Variants in CIMIP6 observed in about 807,000 individuals in gnomAD.
CIMIP6 encodes the protein ciliary microtubule inner protein 6, also known as uncharacterized protein C2orf73.
chr2:54,360,194 C>A, the CIMIP6 span: 31 of 1,542,590 alleles, frequency 2.0e-5, no homozygotes, highest in African/African-American at 5.6e-5. Flanking sequence ...ACTTTGTTTT[C>A]TTTTCCAGAG....
the CIMIP6 span, chr2:54,358,988 G>A: frequency 6.5e-7 from 1 of 1,549,480 alleles, no homozygotes; most frequent in East Asian, 2.4e-5. Context: ...TACATCAGCA[G>A]AACTTCAAAA....
At chr2:54,343,296 A>C in the CIMIP6 span, among the ~76,000 whole-genome samples, 1 of 152,210 alleles carries the variant, frequency 6.6e-6, no homozygotes. Flanking sequence ...TAGGGACTAA[A>C]ACTTCTGAAA....
chr2:54,352,626 C>T, the CIMIP6 span, among the ~76,000 whole-genome samples: 1 of 152,158 alleles, frequency 6.6e-6, no homozygotes, highest in Non-Finnish European at 1.5e-5. Context: ...TACCTTGTTG[C>T]ACAGTCATCC....
the CIMIP6 span, among the ~76,000 whole-genome samples, chr2:54,352,964 T>C: frequency 6.6e-6 from 1 of 152,196 alleles, no homozygotes; most frequent in African/African-American, 2.4e-5. Flanking sequence ...CCTTTCTAAC[T>C]GAAATTTCGA....
At chr2:54,343,952 G>A in the CIMIP6 span, 7 of 1,224,988 alleles carry the variant, frequency 5.7e-6, no homozygotes, top group African/African-American at 1.1e-4. Context: ...TAGATGTCCG[G>A]ACAGCTCCTG....
chr2:54,353,009 C>T, the CIMIP6 span, among the ~76,000 whole-genome samples: 1 of 152,214 alleles, frequency 6.6e-6, no homozygotes, highest in African/African-American at 2.4e-5. Context: ...CTGTCCTGCT[C>T]CTTCCAGAGG....
the CIMIP6 span, chr2:54,360,713 C>T: frequency 1.2e-6 from 1 of 809,372 alleles, no homozygotes; most frequent in Non-Finnish European, 1.8e-6. Context: ...AATTAAAATA[C>T]AACCAAATGT....
At chr2:54,354,838 C>T in the CIMIP6 span, among the ~76,000 whole-genome samples, 1 of 151,668 alleles carries the variant, frequency 6.6e-6, no homozygotes, top group African/African-American at 2.4e-5. Flanking sequence ...ACCAGGGGCT[C>T]CATTAATGTT....
the CIMIP6 span, among the ~76,000 whole-genome samples, chr2:54,380,376 G>A: frequency 5.9e-5 from 9 of 152,060 alleles, no homozygotes; most frequent in South Asian, 2.1e-4. Context: ...ACATCTGACC[G>A]CCTCCCCATG....
At chr2:54,336,212 C>T in the CIMIP6 span, among the ~76,000 whole-genome samples, 2 of 152,142 alleles carry the variant, frequency 1.3e-5, no homozygotes, top group Non-Finnish European at 2.9e-5. Context: ...CACAATCAAG[C>T]TATGAATCAT....
chr2:54,355,390 C>A, the CIMIP6 span, among the ~76,000 whole-genome samples: 1 of 152,066 alleles, frequency 6.6e-6, no homozygotes, highest in Non-Finnish European at 1.5e-5. Flanking sequence ...GCACTCACTC[C>A]CAGGGTCATG....
the CIMIP6 span, chr2:54,360,693 G>A: frequency 3.1e-6 from 3 of 975,338 alleles, no homozygotes; most frequent in Middle Eastern, 3.3e-4. Flanking sequence ...TGGAAAAAGA[G>A]AAAAAAGACA....
chr2:54,350,391 G>C, the CIMIP6 span, among the ~76,000 whole-genome samples: 6 of 152,190 alleles, frequency 3.9e-5, no homozygotes, highest in Admixed American at 3.3e-4. Context: ...ATGGTCACTT[G>C]TGTGGCCACA....
At chr2:54,372,252 C>T in the CIMIP6 span, among the ~76,000 whole-genome samples, 1 of 152,178 alleles carries the variant, frequency 6.6e-6, no homozygotes, top group Non-Finnish European at 1.5e-5. Context: ...CTCTTCATCA[C>T]CAGCAATGAT....
the CIMIP6 span, among the ~76,000 whole-genome samples, chr2:54,351,719 AG>A: frequency 1.1e-4 from 16 of 152,202 alleles, no homozygotes; most frequent in Non-Finnish European, 2.2e-4. Context: ...AACCCCCATG[AG>A]ACAAGCTTAC....
chr2:54,367,381 C>T, the CIMIP6 span, among the ~76,000 whole-genome samples: 1 of 151,974 alleles, frequency 6.6e-6, no homozygotes, highest in Admixed American at 6.6e-5. Flanking sequence ...TTCCCCCAAC[C>T]TCCAAAAAAA....
the CIMIP6 span, among the ~76,000 whole-genome samples, chr2:54,367,640 A>G: frequency 3.9e-5 from 6 of 152,192 alleles, no homozygotes; most frequent in African/African-American, 1.4e-4. Flanking sequence ...GCTATAAATC[A>G]AATGTAAAAA....
At chr2:54,372,570 T>A in the CIMIP6 span, among the ~76,000 whole-genome samples, 1 of 152,146 alleles carries the variant, frequency 6.6e-6, no homozygotes, top group Non-Finnish European at 1.5e-5. Flanking sequence ...AAGTCCACCA[T>A]GTAAGAAGTT....
At chr2:54,381,848 G>A in the CIMIP6 span, 1 of 1,535,892 alleles carries the variant, frequency 6.5e-7, no homozygotes, top group East Asian at 2.5e-5. Context: ...CCTTCCAGAT[G>A]AAACCTTGAG....
Sources: allele counts gnomAD v4.1 joint callset (sites outside exome capture counted in the v4.1 genomes callset), GRCh38; gene constraint gnomAD v4.1.1; transcripts MANE v1.5; gene names NCBI Gene and HGNC (gene_info 2026-07-23, HGNC 2026-07-21).